Variants in FAM184A observed in about 807,000 individuals in gnomAD.
FAM184A encodes the protein protein FAM184A.
A neutral mutation model predicts 143.8 loss-of-function variants in FAM184A; 99 were observed. The observed-to-expected ratio is 0.69, with a 90% CI of 0.58 to 0.81. The LOEUF (loss-of-function observed/expected upper bound fraction) is 0.81, where lower values mean the gene tolerates loss of function less well. FAM184A is among the 40% of genes least tolerant of loss of function. FAM184A has a pLI of 0.00. For synonymous variants in FAM184A, 427 were observed against 446.4 expected (o/e 0.96, Z 0.55); for missense variants, 1,217 against 1,310.5 (o/e 0.93, Z 1.10).
At chr6:119,019,010 T>C (rs1283200170) in intron 4 of FAM184A, among the ~76,000 whole-genome samples, 1 of 151,920 alleles carries the variant, frequency 6.6e-6, no homozygotes, top group Non-Finnish European at 1.5e-5. Flanking sequence ...AGATATCTAG[T>C]GGAAAGGATA....
At chr6:119,098,036 A>G (rs1387416485) in intron 1 of FAM184A, among the ~76,000 whole-genome samples, 1 of 152,074 alleles carries the variant, frequency 6.6e-6, no homozygotes, top group Non-Finnish European at 1.5e-5. Flanking sequence ...CTGTGTCCAC[A>G]CCCCAGTCTC....
chr6:119,011,351 T>C lies in FAM184A; in HGVS notation c.1611A>G (p.Leu537=), dbSNP rs1356499898. Residue 537 remains leucine, a synonymous_variant, in exon 6 of 18, where the codon CTA becomes CTG. Coordinates refer to ENST00000338891, the MANE Select transcript of FAM184A (RefSeq NM_024581.6). The stretch of plus-strand genomic sequence containing the variant: ...TCAACTTGTCTTCCAGTACTTCCTT[T>C]AGGTTTTCTAGCTCTTGTTGAAGCT... ...KNQLQQELEN[L]KEVLEDKLNT... 5 of 1,607,568 alleles carry C rather than the reference T, an allele frequency of 3.1e-6. No homozygotes were observed. Among genetic ancestry groups the C allele is most frequent in the Middle Eastern group, 1.6e-4 (1 of 6,062 alleles).
At chr6:119,045,806 T>A (rs191972250) in intron 1 of FAM184A, among the ~76,000 whole-genome samples, 3,401 of 146,010 alleles carry the variant, frequency 0.023, 59 homozygotes, top group African/African-American at 0.056. Flanking sequence ...TTAAAAAAAA[T>A]TTATATTGCA....
At chr6:119,123,760 T>C (rs920123898) in intron 1 of FAM184A, among the ~76,000 whole-genome samples, 4 of 152,240 alleles carry the variant, frequency 2.6e-5, no homozygotes, top group African/African-American at 9.6e-5. Context: ...GATTGCTGTT[T>C]ATGCTATTTG....
rs1409831634 is a variant in FAM184A, at chr6:119,078,101, C to G, written c.159+40G>C. ...GGAGACAGGTGAGTCCGGCGCGGCCCGCACGGGGTCGCCACCTGCCCCGTC... is the reference window on the plus strand; with the variant it reads ...GGAGACAGGTGAGTCCGGCGCGGCCGGCACGGGGTCGCCACCTGCCCCGTC... On this transcript the variant is annotated intron_variant, in intron 1 of 17. Transcript: ENST00000338891. This position sits in a 1 kb window ranked among gnomAD's most constrained non-coding sequence, Gnocchi z 5.5. 6.5e-7 allele frequency: 1 copy of G among 1,548,934 alleles called. No homozygotes were observed. Among genetic ancestry groups the G allele is most frequent in the Non-Finnish European group, 8.7e-7 (1 of 1,151,972 alleles).
chr6:119,142,829 A>G (rs1250797416), intron 1 of FAM184A, among the ~76,000 whole-genome samples: 1 of 152,204 alleles, frequency 6.6e-6, no homozygotes, highest in Non-Finnish European at 1.5e-5. Context: ...AGTTAGGATG[A>G]AGTTATACTG....
intron 1 of FAM184A, among the ~76,000 whole-genome samples, chr6:119,049,124 G>A (rs750083137): frequency 1.3e-5 from 2 of 152,296 alleles, no homozygotes; most frequent in African/African-American, 2.4e-5. Flanking sequence ...CAGGGCTACA[G>A]TAACCAAAAC....
intron 7 of FAM184A, chr6:119,006,045 A>C (rs1304105021): frequency 1.3e-6 from 1 of 762,522 alleles, no homozygotes; most frequent in South Asian, 1.3e-5. Flanking sequence ...AGATGTATTA[A>C]GTTAAGATGA....
intron 6 of FAM184A, among the ~76,000 whole-genome samples, chr6:119,007,586 A>G (rs903671360): frequency 6.6e-6 from 1 of 152,344 alleles, no homozygotes; most frequent in Non-Finnish European, 1.5e-5. Flanking sequence ...TTTTCACAGC[A>G]AAAGAATTAC....
chr6:119,084,161 A>G (rs1788151461), intron 1 of FAM184A, among the ~76,000 whole-genome samples: 1 of 152,154 alleles, frequency 6.6e-6, no homozygotes. Flanking sequence ...CTCACTCGCT[A>G]TCATGAGAAT....
intron 15 of FAM184A, among the ~76,000 whole-genome samples, chr6:118,966,344 A>T (rs1304007631): frequency 6.6e-6 from 1 of 152,236 alleles, no homozygotes; most frequent in Non-Finnish European, 1.5e-5. Context: ...GAAAGCATGC[A>T]ACTTTTCTGT....
intron 1 of FAM184A, among the ~76,000 whole-genome samples, chr6:119,085,655 C>T (rs1260265998): frequency 3.3e-5 from 5 of 152,214 alleles, no homozygotes; most frequent in Non-Finnish European, 7.3e-5. Flanking sequence ...ACGCCCCACT[C>T]TTTGGTACCA....
intron 1 of FAM184A, among the ~76,000 whole-genome samples, chr6:119,027,038 C>A (rs1259456241): frequency 1.3e-5 from 2 of 152,152 alleles, no homozygotes; most frequent in Admixed American, 1.3e-4. Context: ...GCGTCCACAA[C>A]CCCCTTATCT....
At chr6:118,985,719 T>C (rs1163238579) in intron 9 of FAM184A, among the ~76,000 whole-genome samples, 1 of 152,148 alleles carries the variant, frequency 6.6e-6, no homozygotes, top group Non-Finnish European at 1.5e-5. Flanking sequence ...ACAGATGAAT[T>C]ATGACTGGGA....
chr6:119,106,200 G>T (rs966462985), intron 1 of FAM184A, among the ~76,000 whole-genome samples: 1 of 151,614 alleles, frequency 6.6e-6, no homozygotes, highest in Non-Finnish European at 1.5e-5. Flanking sequence ...AGACCATCCT[G>T]GCTAACACGG....
At chr6:119,136,304 A>C (rs2114883482) in intron 1 of FAM184A, among the ~76,000 whole-genome samples, 1 of 151,714 alleles carries the variant, frequency 6.6e-6, no homozygotes, top group South Asian at 2.1e-4. Flanking sequence ...AAAAAAAAAA[A>C]AAAGAATATT....
At chr6:119,037,030 G>C (rs1786139318) in intron 1 of FAM184A, among the ~76,000 whole-genome samples, 1 of 152,126 alleles carries the variant, frequency 6.6e-6, no homozygotes, top group Non-Finnish European at 1.5e-5. Flanking sequence ...AATAATCCTG[G>C]ACACTGAGAG....
intron 14 of FAM184A, 66 bp downstream of exon 14, chr6:118,974,362 G>T: frequency 7.1e-7 from 1 of 1,416,812 alleles, no homozygotes. Context: ...CAGCTAATCT[G>T]AGGTTAAACA....
chr6:119,130,306 G>A (rs1789502399), intron 1 of FAM184A, among the ~76,000 whole-genome samples: 1 of 152,188 alleles, frequency 6.6e-6, no homozygotes, highest in Admixed American at 6.5e-5. Flanking sequence ...TCTGAAATAA[G>A]CATTTAATGA....
Sources: gnomAD v4.1 joint callset for allele counts (sites outside exome capture counted in the v4.1 genomes callset) on GRCh38, gnomAD v4.1.1 for gene constraint, Gnocchi (gnomAD v3.1) non-coding constraint, MANE v1.5 for transcripts, NCBI Gene and HGNC (gene_info 2026-07-23, HGNC 2026-07-21) for gene names.